The following USPL1 variants were observed in gnomAD, a reference collection of about 807,000 sequenced individuals.
USPL1 encodes ubiquitin specific peptidase like 1.
A neutral mutation model predicts 51.5 loss-of-function variants in USPL1; 27 were observed. That is an observed-to-expected ratio of 0.52 (90% CI 0.39 to 0.72). The LOEUF (loss-of-function observed/expected upper bound fraction) is 0.72, where lower values mean the gene tolerates loss of function less well. Among genes scored for constraint, USPL1 ranks in the 30% least tolerant of loss-of-function variants. The pLI is 0.00. For missense variants in USPL1, 1,226 were observed against 1,268.0 expected (o/e 0.97, Z 0.50); for synonymous variants, 451 against 459.6 (o/e 0.98, Z 0.24).
chr13:30,651,100 C>A (rs888293368), intron 7 of USPL1, among the ~76,000 whole-genome samples: 1 of 152,058 alleles, frequency 6.6e-6, no homozygotes, highest in African/African-American at 2.4e-5. Flanking sequence ...TGGCTCTGTT[C>A]TGCATCATCT....
chr13:30,639,464 A>G (rs1300259451), intron 5 of USPL1, among the ~76,000 whole-genome samples: 1 of 151,978 alleles, frequency 6.6e-6, no homozygotes, highest in Non-Finnish European at 1.5e-5. Flanking sequence ...TGTTCTTATA[A>G]AAGTCTGATT....
intron 4 of USPL1, 69 bp downstream of exon 4, chr13:30,631,543 C>G: frequency 7.0e-7 from 1 of 1,437,188 alleles, no homozygotes; most frequent in Non-Finnish European, 9.3e-7. Context: ...TTCTGTCACC[C>G]AGGCTGGAGT....
chr13:30,656,384 C>G (rs1384592459), intron 8 of USPL1, among the ~76,000 whole-genome samples: 1 of 152,200 alleles, frequency 6.6e-6, no homozygotes, highest in Non-Finnish European at 1.5e-5. Context: ...CCCCAAAGCC[C>G]TGGTAACCAC....
rs972948641 is a variant in USPL1 at position 30,659,445 on chromosome 13, G to C, written c.*89G>C. 147 of 1,170,342 alleles carry C rather than the reference G, an allele frequency of 1.3e-4. No individual in the cohort carries two copies. Among genetic ancestry groups the C allele is most frequent in the Non-Finnish European group, 1.6e-4 (138 of 862,026 alleles). The allele number at this position is 1,170,342 out of a possible 1,614,324, so 72.5% of individuals were successfully genotyped here. ...CAGGTAGTGTTTATACACTGGACTT[G>C]TGTAATTACTTGTGTAATAACCATG... On this transcript the variant is annotated 3_prime_UTR_variant, in exon 9 of 9. Transcript: ENST00000255304.
chr13:30,625,765 T>C (rs1950707345), intron 3 of USPL1, among the ~76,000 whole-genome samples: 2 of 152,298 alleles, frequency 1.3e-5, no homozygotes, highest in African/African-American at 4.8e-5. Flanking sequence ...TTTTGAAGCA[T>C]TCTTTTTCAA....
intron 6 of USPL1, among the ~76,000 whole-genome samples, chr13:30,644,996 A>G (rs1950999071): frequency 6.6e-6 from 1 of 152,170 alleles, no homozygotes; most frequent in Non-Finnish European, 1.5e-5. Flanking sequence ...TAACTCAGTG[A>G]GGAAGATCCT....
At chr13:30,627,407 T>C (rs1950731950) in intron 3 of USPL1, among the ~76,000 whole-genome samples, 1 of 152,176 alleles carries the variant, frequency 6.6e-6, no homozygotes, top group Admixed American at 6.5e-5. Flanking sequence ...GATTGGCCTA[T>C]GGTGGGAGCA....
chr13:30,620,627 T>C (rs1950634394), intron 1 of USPL1, among the ~76,000 whole-genome samples: 1 of 152,208 alleles, frequency 6.6e-6, no homozygotes, highest in African/African-American at 2.4e-5. Flanking sequence ...TTGAAAACAA[T>C]AGGAATGTAT....
intron 5 of USPL1, among the ~76,000 whole-genome samples, chr13:30,640,534 A>G (rs1950933029): frequency 6.6e-6 from 1 of 152,140 alleles, no homozygotes; most frequent in Admixed American, 6.5e-5. Context: ...TACTAAAAAT[A>G]CAAAAAATTA....
At chr13:30,643,039 C>G (rs1158232409) in intron 6 of USPL1, among the ~76,000 whole-genome samples, 4 of 152,156 alleles carry the variant, frequency 2.6e-5, no homozygotes, top group East Asian at 3.9e-4. Context: ...GTTTATTCCT[C>G]TATTAGAAAT....
intron 6 of USPL1, among the ~76,000 whole-genome samples, chr13:30,645,650 A>T (rs1170138317): frequency 6.6e-6 from 1 of 152,256 alleles, no homozygotes; most frequent in Non-Finnish European, 1.5e-5. Context: ...AGAACTGTCC[A>T]GCAAATTCCT....
chr13:30,639,122 AG>A (rs1222021978), intron 5 of USPL1, among the ~76,000 whole-genome samples: 33 of 151,582 alleles, frequency 2.2e-4, no homozygotes, highest in African/African-American at 8.0e-4. Context: ...AGGCTGAGGC[AG>A]GAGAATCGCT....
Position 30,659,462 on chromosome 13 carries a change from A to G in USPL1, c.*106A>G. On this transcript the variant is annotated 3_prime_UTR_variant, in exon 9 of 9. Coordinates refer to ENST00000255304, the MANE Select transcript of USPL1 (RefSeq NM_005800.5). ...CTGGACTTGTGTAATTACTTGTGTAATAACCATGAACAAAATGCAAGGTTT... is the reference window on the plus strand; with the variant it reads ...CTGGACTTGTGTAATTACTTGTGTAGTAACCATGAACAAAATGCAAGGTTT... 9.6e-7 allele frequency: 1 copy of G among 1,039,566 alleles called. No individual in the cohort carries two copies. The highest frequency in any genetic ancestry group is 3.1e-5 in the Admixed American group (1 of 32,036). 64.4% of individuals were successfully genotyped at this position (1,039,566 alleles called of 1,614,324 possible). A position where few individuals can be genotyped will look rare whatever the true frequency, so the allele number is the denominator to read the frequency against.
At position 30,655,071 on chromosome 13, in the gene USPL1, C is replaced by T. The variant is rs535338467; in HGVS notation, c.1396+1766C>T. Among the ~76,000 whole-genome samples the T allele has an allele frequency of 4.7e-4, 71 of 151,724 alleles. No homozygotes were observed. The East Asian group carries it at 0.011, about 22-fold the overall frequency. Reference sequence around the variant, plus strand: ...CTCCTGCCTCATCCTCCTGAGTAGCCGGAATACACGCAGGCGCTACCATGC... The same window carrying T: ...CTCCTGCCTCATCCTCCTGAGTAGCTGGAATACACGCAGGCGCTACCATGC... On this transcript the variant is annotated intron_variant, in intron 8 of 8. Coordinates refer to ENST00000255304, the MANE Select transcript of USPL1 (RefSeq NM_005800.5).
At chr13:30,619,547 T>A (rs1950621072) in intron 1 of USPL1, among the ~76,000 whole-genome samples, 1 of 152,232 alleles carries the variant, frequency 6.6e-6, no homozygotes, top group African/African-American at 2.4e-5. Context: ...GTTTCCCATT[T>A]GAGAGTACCG....
At position 30,630,896 on chromosome 13, in the gene USPL1, G is replaced by A; in HGVS notation, c.290G>A (p.Cys97Tyr). The part of the protein sequence containing the change: ...NNLISPDLEE[C>Y]HTPHKPQKRK... ...CTAATTTCTCCTGATTTGGAAGAATGTCACACTCCACATAAGCCTCAGAAA... is the reference window on the plus strand; with the variant it reads ...CTAATTTCTCCTGATTTGGAAGAATATCACACTCCACATAAGCCTCAGAAA... Residue 97 changes from cysteine (C) to tyrosine (Y), a missense_variant, in exon 4 of 9, where the codon TGT (cysteine) becomes TAT (tyrosine). Transcript: ENST00000255304. The A allele has an allele frequency of 6.2e-7, 1 of 1,613,954 alleles. No individual in the cohort carries two copies. The highest frequency in any genetic ancestry group is 1.6e-4 in the Middle Eastern group (1 of 6,062).
Position 30,658,752 on chromosome 13 carries a change from T to G in USPL1, c.2675T>G (p.Leu892Arg). ...CAGATTCATAAACTTCGTCTAAAAC[T>G]TCGTAAAAAGCTAAAGGCAGAAAAG... ...EGQIHKLRLK[L>R]RKKLKAEKKK... The change falls in exon 9 of 9, where the codon CTT becomes CGT. Residue 892 changes from leucine to arginine, a missense_variant. Transcript: ENST00000255304. The G allele has an allele frequency of 6.2e-7, 1 of 1,614,130 alleles. No individual in the cohort carries two copies. The highest frequency in any genetic ancestry group is 1.3e-5 in the African/African-American group (1 of 75,040).
At position 30,658,216 on chromosome 13, in the gene USPL1, A is replaced by G. The variant is rs1197755227; in HGVS notation, c.2139A>G (p.Leu713=). 9.3e-6 allele frequency: 15 copies of G among 1,611,726 alleles called. No homozygotes were observed. Among genetic ancestry groups the G allele is most frequent in the Non-Finnish European group, 1.3e-5 (15 of 1,179,490 alleles). ...TCCTTACACCAAAAACTGAACAATT[A>G]AAACCAGAACGTGTCACATCTCAGG... The part of the protein sequence containing the change: ...KQFLTPKTEQ[L]KPERVTSQVS... Residue 713 remains leucine, a synonymous_variant, in exon 9 of 9, where the codon TTA becomes TTG. Transcript: ENST00000255304.
At chr13:30,633,568 C>G (rs907415881) in intron 4 of USPL1, among the ~76,000 whole-genome samples, 4 of 151,958 alleles carry the variant, frequency 2.6e-5, no homozygotes, top group Non-Finnish European at 5.9e-5. Flanking sequence ...GTCAAGAGTT[C>G]GAGACCAGCC....
Sources: gnomAD v4.1 joint callset for allele counts (sites outside exome capture counted in the v4.1 genomes callset) on GRCh38, gnomAD v4.1.1 for gene constraint, MANE v1.5 for transcripts, NCBI Gene and HGNC (gene_info 2026-07-23, HGNC 2026-07-21) for gene names.